The following CACNA1C variants were observed in gnomAD, a reference collection of about 807,000 sequenced individuals.
The protein encoded by CACNA1C is voltage-dependent L-type calcium channel subunit alpha-1C.
In CACNA1C, 30 loss-of-function variants were observed where a neutral mutation model predicts 229.0. That is an observed-to-expected ratio of 0.13 (90% CI 0.10 to 0.18). The LOEUF is 0.18. CACNA1C is among the 10% of genes least tolerant of loss of function. The pLI, the probability that CACNA1C is intolerant of heterozygous loss-of-function variation, is 1.00. For synonymous variants in CACNA1C, 1,114 were observed against 1,132.5 expected, an observed-to-expected ratio of 0.98 and a Z score of 0.33; for missense variants, 1,658 against 2,845.0, an observed-to-expected ratio of 0.58 and a Z score of 9.49.
At chr12:2,444,235 C>A (rs534371111) in intron 3 of CACNA1C, among the ~76,000 whole-genome samples, 2 of 152,332 alleles carry the variant, frequency 1.3e-5, no homozygotes, top group Admixed American at 1.3e-4. Flanking sequence ...GTCAGAAAGT[C>A]TGGTTTCCTG....
chr12:2,120,279 C>T (rs1381729340), intron 2 of CACNA1C, 46 bp from the exon 3 acceptor site: 1 of 920,536 alleles, frequency 1.1e-6, no homozygotes, highest in Non-Finnish European at 1.8e-6. Flanking sequence ...ATGTTTGTTT[C>T]ACTTGTACTT....
intron 1 of CACNA1C, among the ~76,000 whole-genome samples, chr12:2,086,532 A>G (rs149673288): frequency 3.9e-5 from 6 of 152,300 alleles, no homozygotes; most frequent in Admixed American, 6.5e-5. Flanking sequence ...AGGGAAGGCT[A>G]GCAGCTGTTA....
chr12:2,581,186 AG>A (rs1255515319), intron 13 of CACNA1C, among the ~76,000 whole-genome samples: 1 of 152,206 alleles, frequency 6.6e-6, no homozygotes. Context: ...GGCACTCTAC[AG>A]GGGGCTCTTT....
intron 3 of CACNA1C, among the ~76,000 whole-genome samples, chr12:2,202,821 G>A (rs2097632765): frequency 6.6e-6 from 1 of 152,182 alleles, no homozygotes; most frequent in Non-Finnish European, 1.5e-5. Flanking sequence ...GAGGCTTGAG[G>A]ATAAAGGACC....
intron 3 of CACNA1C, among the ~76,000 whole-genome samples, chr12:2,305,440 T>C (rs1225052383): frequency 1.3e-5 from 2 of 152,206 alleles, no homozygotes; most frequent in African/African-American, 2.4e-5. Flanking sequence ...TTCTGTTGAT[T>C]TGTCCTACCT....
At chr12:2,384,522 G>A (rs2098333427) in intron 3 of CACNA1C, among the ~76,000 whole-genome samples, 1 of 152,180 alleles carries the variant, frequency 6.6e-6, no homozygotes, top group Non-Finnish European at 1.5e-5. Context: ...CCCATGGTCA[G>A]TCTCTCCAGT....
intron 3 of CACNA1C, among the ~76,000 whole-genome samples, chr12:2,317,904 G>A (rs892169594): frequency 6.6e-6 from 1 of 152,184 alleles, no homozygotes; most frequent in Admixed American, 6.5e-5. Flanking sequence ...AGGTGAGGAT[G>A]CAGTGGCTTG....
chr12:2,234,523 C>G (rs1256266034), intron 3 of CACNA1C, among the ~76,000 whole-genome samples: 1 of 152,192 alleles, frequency 6.6e-6, no homozygotes, highest in East Asian at 1.9e-4. Context: ...AGATGGGCTC[C>G]TGTATGCAGG....
At chr12:2,393,151 C>T (rs1384793571) in intron 3 of CACNA1C, among the ~76,000 whole-genome samples, 2 of 152,178 alleles carry the variant, frequency 1.3e-5, no homozygotes, top group African/African-American at 2.4e-5. Flanking sequence ...GCAGCTTCAT[C>T]TCCCATGGAA....
chr12:2,031,991 GTT>G (rs1454428910), intron 1 of CACNA1C, among the ~76,000 whole-genome samples: 1 of 88,090 alleles, frequency 1.1e-5, no homozygotes, highest in African/African-American at 9.5e-5. Flanking sequence ...GTGTGAGTGT[GTT>G]TGTGTGTGTG....
chr12:2,084,311 T>C (rs1219923091), intron 1 of CACNA1C, among the ~76,000 whole-genome samples: 4 of 152,208 alleles, frequency 2.6e-5, no homozygotes, highest in African/African-American at 9.6e-5. Context: ...CATTCAAATG[T>C]TAAACAGCCA....
chr12:2,393,054 C>T (rs970463802), intron 3 of CACNA1C, among the ~76,000 whole-genome samples: 1 of 152,142 alleles, frequency 6.6e-6, no homozygotes, highest in Non-Finnish European at 1.5e-5. Flanking sequence ...ACACATGCCC[C>T]TCAGCCAGAC....
In CACNA1C at chr12:2,685,261, G is replaced by A. The variant is rs536720987; in HGVS notation, c.5574-475G>A. 4.7e-4 allele frequency among the ~76,000 whole-genome samples: 71 copies of A among 150,978 alleles called. No individual in the cohort carries two copies. The South Asian group carries it at 6.0e-3, about 13-fold the overall frequency. ...TGTTCACCTACTGAGTGACCGTAGA[G>A]TGGTTGTAGGCAGCTGCTTATGTGC... is the stretch of plus-strand genomic sequence containing the variant. On this transcript the variant is annotated intron_variant, in intron 43 of 46. Coordinates refer to ENST00000399655, the MANE Select transcript of CACNA1C (RefSeq NM_000719.7).
rs2053940017 is a variant in CACNA1C, at chr12:2,054,665, GCTTTCTGGCA to G, written c.49+1055_49+1064del. 2.7e-5 allele frequency among the ~76,000 whole-genome samples: 4 copies of G among 148,610 alleles called. No individual in the cohort carries two copies. In the South Asian group the frequency reaches 9.0e-4, roughly 34 times the overall value. ...GGTGCAGACAGGGTGGTCCAGCGGGGCTTTCTGGCAACCTCCAGGCATGACATCTCTTTCT... is the reference window on the plus strand; with the variant it reads ...GGTGCAGACAGGGTGGTCCAGCGGGGACCTCCAGGCATGACATCTCTTTCT... On this transcript the variant is annotated intron_variant, in intron 1 of 46. Coordinates refer to ENST00000399655, the MANE Select transcript of CACNA1C (RefSeq NM_000719.7). The surrounding 1 kb of genome is among the most constrained non-coding windows in gnomAD (Gnocchi z 5.5).
chr12:2,188,299 T>G (rs1170530993), intron 3 of CACNA1C, among the ~76,000 whole-genome samples: 1 of 152,244 alleles, frequency 6.6e-6, no homozygotes, highest in Non-Finnish European at 1.5e-5. Flanking sequence ...TTTATAATGT[T>G]GAGTTTTATT....
chr12:2,128,828 T>C (rs2091240425), intron 3 of CACNA1C, among the ~76,000 whole-genome samples: 1 of 152,244 alleles, frequency 6.6e-6, no homozygotes, highest in African/African-American at 2.4e-5. Context: ...TAAATGCGTT[T>C]AAACATGATT....
chr12:2,180,161 C>T (rs890589424), intron 3 of CACNA1C, among the ~76,000 whole-genome samples: 1 of 152,254 alleles, frequency 6.6e-6, no homozygotes, highest in African/African-American at 2.4e-5. Context: ...ATGGATGAAG[C>T]CTTCATTCTG....
chr12:2,234,237 T>C (rs932933628), intron 3 of CACNA1C, among the ~76,000 whole-genome samples: 6 of 152,208 alleles, frequency 3.9e-5, no homozygotes, highest in Non-Finnish European at 7.3e-5. Flanking sequence ...AGGCTGGTTC[T>C]CTGTTTCTAT....
intron 1 of CACNA1C, among the ~76,000 whole-genome samples, chr12:2,099,112 A>G (rs900936684): frequency 1.3e-5 from 2 of 152,162 alleles, no homozygotes; most frequent in African/African-American, 4.8e-5. Context: ...GCTGCCGCTC[A>G]CTCTGGGCGC....
Sources: allele counts gnomAD v4.1 joint callset (sites outside exome capture counted in the v4.1 genomes callset), GRCh38; gene constraint gnomAD v4.1.1; non-coding constraint Gnocchi (gnomAD v3.1); transcripts MANE v1.5; gene names NCBI Gene and HGNC (gene_info 2026-07-23, HGNC 2026-07-21).